The following COL22A1 variants were observed in gnomAD, a reference collection of about 807,000 sequenced individuals.
COL22A1 encodes the protein collagen type XXII alpha 1 chain, also known as collagen alpha-1(XXII) chain.
In COL22A1, 221 loss-of-function variants were observed where a neutral mutation model predicts 248.9. The observed-to-expected ratio is 0.89, with a 90% CI of 0.80 to 0.99. The LOEUF (loss-of-function observed/expected upper bound fraction) is 0.99. Among genes scored for constraint, COL22A1 ranks in the 50% least tolerant of loss-of-function variants. The pLI, the probability that COL22A1 is intolerant of heterozygous loss-of-function variation, is 0.00. For missense variants in COL22A1, 2,240 were observed against 2,179.0 expected, an observed-to-expected ratio of 1.03 and a Z score of -0.56; for synonymous variants, 891 against 793.4, an observed-to-expected ratio of 1.12 and a Z score of -2.07.
chr8:138,899,589 T>C (rs920313416), intron 1 of COL22A1, among the ~76,000 whole-genome samples: 3 of 152,108 alleles, frequency 2.0e-5, no homozygotes, highest in African/African-American at 7.2e-5. Context: ...AGTGGGACAA[T>C]CTTGGCTCAC....
In COL22A1 at chr8:138,675,965, G is replaced by A. The variant is rs1363241151; in HGVS notation, c.3150+593C>T. Among the ~76,000 whole-genome samples, 4 of 152,264 alleles carry A rather than the reference G, an allele frequency of 2.6e-5. No individual in the cohort carries two copies. In the South Asian group the frequency reaches 8.3e-4, roughly 32 times the overall value. ...TTCTAGAGGCATTCAGGTGGAGGCCGAAGATATTGATAGCAATCCTCAACC... is the reference window on the plus strand; with the variant it reads ...TTCTAGAGGCATTCAGGTGGAGGCCAAAGATATTGATAGCAATCCTCAACC... On this transcript the variant is annotated intron_variant, in intron 41 of 64. Transcript: ENST00000303045.
At chr8:138,643,856 C>T (rs1233468148) in intron 47 of COL22A1, among the ~76,000 whole-genome samples, 1 of 152,154 alleles carries the variant, frequency 6.6e-6, no homozygotes, top group African/African-American at 2.4e-5. Context: ...TGTGCTACCA[C>T]ACCTGGCTAA....
chr8:138,837,840 G>A (rs1820553983), intron 4 of COL22A1, among the ~76,000 whole-genome samples: 1 of 152,140 alleles, frequency 6.6e-6, no homozygotes, highest in African/African-American at 2.4e-5. Flanking sequence ...GTGAGAACAG[G>A]TTTTGAGACC....
intron 1 of COL22A1, among the ~76,000 whole-genome samples, chr8:138,884,764 T>A (rs1824517632): frequency 6.6e-6 from 1 of 152,138 alleles, no homozygotes; most frequent in African/African-American, 2.4e-5. Context: ...ATAAAAAACA[T>A]GTGGCAGGGG....
chr8:138,684,587 T>C (rs1428986965), intron 38 of COL22A1, 118 bp from the exon 39 acceptor site: 1 of 765,578 alleles, frequency 1.3e-6, no homozygotes, highest in African/African-American at 1.7e-5. Flanking sequence ...TGAGACTCAC[T>C]ATGACCTGAC....
chr8:138,633,715 T>C (rs2132016231), intron 49 of COL22A1, among the ~76,000 whole-genome samples: 1 of 152,350 alleles, frequency 6.6e-6, no homozygotes, highest in South Asian at 2.1e-4. Flanking sequence ...ATTATCAGTT[T>C]CTCTTTTTGC....
intron 11 of COL22A1, among the ~76,000 whole-genome samples, chr8:138,799,394 A>T (rs553531015): frequency 6.6e-6 from 1 of 152,286 alleles, no homozygotes; most frequent in South Asian, 2.1e-4. Context: ...ATATCTCATA[A>T]TTTTTGTTGA....
At chr8:138,647,716 C>G (rs1822334645) in intron 46 of COL22A1, among the ~76,000 whole-genome samples, 1 of 152,136 alleles carries the variant, frequency 6.6e-6, no homozygotes, top group South Asian at 2.1e-4. Context: ...CCTGCCAGGT[C>G]CTGCCAGAAG....
chr8:138,693,646 G>C lies in COL22A1; in HGVS notation c.2754C>G (p.Pro918=). ...AHGAPGAAGN[P]GAPGHVGAPG... is the part of the protein sequence containing the mutation. ...AGGCAGGCCGATCATAGGGACTCAC[G>C]GGGTTTCCAGCTGCTCCAGGAGCCC... The change falls in exon 35 of 65, where the codon CCC becomes CCG. Residue 918 remains proline, a splice_region_variant and synonymous_variant. Transcript: ENST00000303045. 2 of 1,582,818 alleles carry C rather than the reference G, an allele frequency of 1.3e-6. No homozygotes were observed. Among genetic ancestry groups the C allele is most frequent in the African/African-American group, 2.7e-5 (2 of 74,134 alleles).
chr8:138,826,531 C>T (rs1819594849), intron 6 of COL22A1, 127 bp downstream of exon 6: 2 of 1,000,572 alleles, frequency 2.0e-6, no homozygotes, highest in African/African-American at 3.2e-5. Context: ...CCTCCATACG[C>T]CAGGCTCTCT....
At chr8:138,902,476 T>A (rs558327317) in intron 1 of COL22A1, among the ~76,000 whole-genome samples, 1 of 151,914 alleles carries the variant, frequency 6.6e-6, no homozygotes, top group African/African-American at 2.4e-5. Context: ...GGTGGGCGGA[T>A]CATGAGGTCA....
chr8:138,880,345 T>C (rs1449126017), intron 2 of COL22A1, among the ~76,000 whole-genome samples: 1 of 152,214 alleles, frequency 6.6e-6, no homozygotes, highest in African/African-American at 2.4e-5. Context: ...CCTGTGCGTG[T>C]GTGTGCACGC....
intron 1 of COL22A1, among the ~76,000 whole-genome samples, chr8:138,900,913 G>C (rs1814501790): frequency 6.6e-6 from 1 of 152,126 alleles, no homozygotes; most frequent in Non-Finnish European, 1.5e-5. Flanking sequence ...CACAAAAAAA[G>C]CAGGGTCATG....
intron 4 of COL22A1, among the ~76,000 whole-genome samples, chr8:138,839,872 A>G (rs1233525426): frequency 2.6e-5 from 4 of 152,186 alleles, no homozygotes; most frequent in African/African-American, 7.2e-5. Flanking sequence ...TTTGGTTTTT[A>G]GAGCTGAGAG....
Position 138,649,648 on chromosome 8 carries a change from TC to T in COL22A1, c.3447+16del, listed in dbSNP as rs371696211. The T allele has an allele frequency of 6.8e-6, 11 of 1,607,306 alleles. No individual in the cohort carries two copies. The highest frequency in any genetic ancestry group is 1.6e-4 in the Middle Eastern group (1 of 6,072). On this transcript the variant is annotated intron_variant, in intron 46 of 64. Coordinates refer to ENST00000303045, the MANE Select transcript of COL22A1 (RefSeq NM_152888.3). Reference sequence around the variant, plus strand: ...TCATTGTAATGATAAAAATCGAGTTTCCCCTTTTCTCCTTACCTTTTTCCCT... The same window carrying T: ...TCATTGTAATGATAAAAATCGAGTTTCCCTTTTCTCCTTACCTTTTTCCCT...
intron 14 of COL22A1, among the ~76,000 whole-genome samples, chr8:138,779,128 G>A (rs574234938): frequency 9.9e-4 from 151 of 152,198 alleles, no homozygotes; most frequent in Admixed American, 3.1e-3. Context: ...TAGTCCTTAG[G>A]ACCATAAATA....
chr8:138,778,419 A>G lies in COL22A1; in HGVS notation c.1705-13T>C. ...GTCCTTGGGGCCCCTGCAGAAGAGC[A>G]TTTACAGAGTAAAGTTTCAGGGATG... On this transcript the variant is annotated splice_polypyrimidine_tract_variant and intron_variant, in intron 14 of 64. Coordinates refer to ENST00000303045, the MANE Select transcript of COL22A1 (RefSeq NM_152888.3). 1 of 1,581,262 alleles carries G rather than the reference A, an allele frequency of 6.3e-7. No individual in the cohort carries two copies.
chr8:138,680,053 A>T lies in COL22A1; in HGVS notation c.3013-377T>A, dbSNP rs140262587. Among the ~76,000 whole-genome samples, 316 of 152,344 alleles carry T rather than the reference A, an allele frequency of 2.1e-3. 2 individuals are homozygous for T. The highest frequency in any genetic ancestry group is 7.1e-3 in the African/African-American group (295 of 41,582). ...TGTGATGCTAACAAATTCCCCCAAG[A>T]AATGACCTTACAATTTCATAAACTG... On this transcript the variant is annotated intron_variant, in intron 39 of 64. Transcript: ENST00000303045.
chr8:138,819,858 T>C (rs1206859242), intron 7 of COL22A1, among the ~76,000 whole-genome samples: 1 of 151,868 alleles, frequency 6.6e-6, no homozygotes, highest in Non-Finnish European at 1.5e-5. Context: ...AGCCCAATCA[T>C]TAAACTTGAG....
Sources: allele counts gnomAD v4.1 joint callset (sites outside exome capture counted in the v4.1 genomes callset), GRCh38; gene constraint gnomAD v4.1.1; transcripts MANE v1.5; gene names NCBI Gene and HGNC (gene_info 2026-07-23, HGNC 2026-07-21).